TRAF3IP2: variants seen among roughly 807,000 people sequenced by gnomAD.
The protein encoded by TRAF3IP2 is TRAF3 interacting protein 2.
TRAF3IP2 carries 35 observed loss-of-function variants against 57.9 expected under a neutral mutation model. The ratio of observed to expected loss-of-function variants is 0.60; its 90% CI spans 0.46 to 0.80. The LOEUF is 0.80. TRAF3IP2 is among the 30% of genes least tolerant of loss of function. The pLI is 0.00. For synonymous variants in TRAF3IP2, 251 were observed against 268.9 expected, an observed-to-expected ratio of 0.93 and a Z score of 0.65; for missense variants, 556 against 706.4, an observed-to-expected ratio of 0.79 and a Z score of 2.41.
intron 1 of TRAF3IP2, among the ~76,000 whole-genome samples, chr6:111,603,433 C>G (rs992133497): frequency 1.3e-5 from 2 of 152,292 alleles, no homozygotes; most frequent in East Asian, 3.9e-4. Flanking sequence ...TTGAATATGC[C>G]TCATCTGTGT....
chr6:111,571,762 TAA>T (rs1199697639), intron 5 of TRAF3IP2, among the ~76,000 whole-genome samples: 2 of 151,752 alleles, frequency 1.3e-5, no homozygotes, highest in Non-Finnish European at 2.9e-5. Context: ...CCATCTCTAC[TAA>T]AAATACACAC....
In TRAF3IP2 at chr6:111,559,564, G is replaced by C. The variant is rs745406713; in HGVS notation, c.1552-13C>G. On this transcript the variant is annotated splice_polypyrimidine_tract_variant and intron_variant, in intron 8 of 8. Transcript: ENST00000368761. ...TGGGCACATGCTCCTATGGGAGGCA[G>C]AATGACAGGAGCAAAGGTCATTAGA... 3.1e-6 allele frequency: 5 copies of C among 1,613,544 alleles called. No individual in the cohort carries two copies. The highest frequency in any genetic ancestry group is 1.7e-4 in the Middle Eastern group (1 of 6,022).
intron 1 of TRAF3IP2, chr6:111,600,721 A>G (rs1174572059): frequency 1.3e-5 from 2 of 152,500 alleles, no homozygotes; most frequent in East Asian, 1.9e-4. Flanking sequence ...GGTCATGGTA[A>G]CCATTGGCTC....
intron 5 of TRAF3IP2, among the ~76,000 whole-genome samples, chr6:111,569,519 A>AG (rs1554263147): frequency 6.6e-6 from 1 of 152,072 alleles, no homozygotes; most frequent in East Asian, 1.9e-4. Context: ...TGGGAGGCTG[A>AG]GGGGGGCAGA....
intron 5 of TRAF3IP2, among the ~76,000 whole-genome samples, chr6:111,572,458 T>C (rs1055952721): frequency 2.0e-5 from 3 of 152,208 alleles, no homozygotes; most frequent in African/African-American, 7.2e-5. Flanking sequence ...TCAAACCTCA[T>C]AACCCAGTGC....
intron 6 of TRAF3IP2, chr6:111,566,977 GCA>G: frequency 3.5e-6 from 1 of 288,164 alleles, no homozygotes; most frequent in Non-Finnish European, 6.6e-6. Flanking sequence ...GTACACATTA[GCA>G]CAGTCAGTAG....
intron 2 of TRAF3IP2, among the ~76,000 whole-genome samples, chr6:111,588,488 G>A (rs1008757375): frequency 1.3e-5 from 2 of 152,228 alleles, no homozygotes; most frequent in African/African-American, 4.8e-5. Flanking sequence ...TGCCAATGGC[G>A]CTGTTTCAGC....
chr6:111,583,553 G>A (rs1307165969), intron 2 of TRAF3IP2, among the ~76,000 whole-genome samples: 3 of 152,162 alleles, frequency 2.0e-5, no homozygotes, highest in Non-Finnish European at 4.4e-5. Context: ...TAGGCTGCAC[G>A]CTCCTTATGA....
intron 8 of TRAF3IP2, among the ~76,000 whole-genome samples, chr6:111,561,538 G>A (rs1036386660): frequency 1.3e-5 from 2 of 152,074 alleles, no homozygotes; most frequent in Non-Finnish European, 2.9e-5. Context: ...GAAGGGCATT[G>A]CAAGCAGACG....
chr6:111,564,558 T>C (rs571401391), intron 7 of TRAF3IP2, among the ~76,000 whole-genome samples: 1 of 152,356 alleles, frequency 6.6e-6, no homozygotes, highest in African/African-American at 2.4e-5. Context: ...CTGCACTACC[T>C]CTGTCATGGC....
intron 3 of TRAF3IP2, among the ~76,000 whole-genome samples, chr6:111,579,030 GA>G (rs889976824): frequency 6.6e-6 from 1 of 151,694 alleles, no homozygotes; most frequent in African/African-American, 2.4e-5. Flanking sequence ...GAGAATAAGG[GA>G]AAAAAAATGA....
intron 3 of TRAF3IP2, among the ~76,000 whole-genome samples, chr6:111,578,322 A>C (rs116256805): frequency 0.012 from 1,897 of 152,082 alleles, 46 homozygotes; most frequent in African/African-American, 0.043. Flanking sequence ...CATTGTTTAA[A>C]CTCCATGTAT....
At chr6:111,572,617 A>C in intron 5 of TRAF3IP2, 1 of 313,552 alleles carries the variant, frequency 3.2e-6, no homozygotes, top group Non-Finnish European at 5.9e-6. Context: ...CCTTCAGGCC[A>C]GGGGCCGCTG....
chr6:111,592,089 T>G lies in TRAF3IP2; in HGVS notation c.-3A>C. The G allele has an allele frequency of 6.2e-7, 1 of 1,611,122 alleles. No homozygotes were observed. The highest frequency in any genetic ancestry group is 8.5e-7 in the Non-Finnish European group (1 of 1,177,930). On this transcript the variant is annotated 5_prime_UTR_variant, in exon 2 of 9. Transcript: ENST00000368761. ...TCCACAGGAATGCTTCGGTTCATTC[T>G]AGTTTCTGGAACAAGAGAAAACATG...
chr6:111,567,220 G>C (rs1030328418), intron 6 of TRAF3IP2: 66 of 1,006,256 alleles, frequency 6.6e-5, no homozygotes, highest in Non-Finnish European at 7.8e-5. Context: ...GGGCACCTCG[G>C]GGGTGGTGTG....
chr6:111,559,654 G>A (rs755515755), intron 8 of TRAF3IP2, 103 bp from the exon 9 acceptor site: 15 of 1,330,308 alleles, frequency 1.1e-5, no homozygotes, highest in Middle Eastern at 2.5e-4. Context: ...CTACATGGGC[G>A]TTTCCTACCA....
intron 5 of TRAF3IP2, among the ~76,000 whole-genome samples, chr6:111,572,315 G>C (rs560059006): frequency 1.4e-3 from 211 of 152,260 alleles, no homozygotes; most frequent in African/African-American, 4.8e-3. Context: ...GGCTGGGTGA[G>C]GTCAGCCTCC....
intron 5 of TRAF3IP2, among the ~76,000 whole-genome samples, chr6:111,569,995 A>C (rs532031199): frequency 6.6e-6 from 1 of 152,086 alleles, no homozygotes; most frequent in Non-Finnish European, 1.5e-5. Context: ...TCCCTACCCT[A>C]CCTCAGAATG....
intron 4 of TRAF3IP2, 133 bp downstream of exon 4, chr6:111,575,510 C>A: frequency 1.0e-6 from 1 of 992,542 alleles, no homozygotes; most frequent in Non-Finnish European, 1.4e-6. Context: ...ATGGGGTGAA[C>A]CTGGGAGGCG....
Sources: gnomAD v4.1 joint callset for allele counts (sites outside exome capture counted in the v4.1 genomes callset) on GRCh38, gnomAD v4.1.1 for gene constraint, MANE v1.5 for transcripts, NCBI Gene and HGNC (gene_info 2026-07-23, HGNC 2026-07-21) for gene names.